The following AOAH variants were observed in gnomAD, a reference collection of about 807,000 sequenced individuals.
AOAH encodes acyloxyacyl hydrolase (neutrophil).
A neutral mutation model predicts 92.2 loss-of-function variants in AOAH; 64 were observed. The ratio of observed to expected loss-of-function variants is 0.69; its 90% CI spans 0.57 to 0.86. The LOEUF is 0.86. AOAH is among the 40% of genes least tolerant of loss of function. The pLI is 0.00. For synonymous variants in AOAH, 263 were observed against 254.5 expected (o/e 1.03, Z -0.32); for missense variants, 656 against 694.6 (o/e 0.94, Z 0.62).
At chr7:36,616,509 C>A (rs1022681822) in intron 10 of AOAH, 35 bp from the exon 11 acceptor site, 1 of 1,582,186 alleles carries the variant, frequency 6.3e-7, no homozygotes, top group East Asian at 2.2e-5. Flanking sequence ...TATTTATGCA[C>A]TCAAGTAGTT....
chr7:36,645,571 A>G (rs1213983614), intron 4 of AOAH, among the ~76,000 whole-genome samples: 1 of 152,194 alleles, frequency 6.6e-6, no homozygotes, highest in Non-Finnish European at 1.5e-5. Flanking sequence ...AAATAGTGGC[A>G]TGTCTAGCCT....
chr7:36,695,662 C>T (rs73688275), intron 1 of AOAH, among the ~76,000 whole-genome samples: 2,438 of 152,266 alleles, frequency 0.016, 70 homozygotes, highest in African/African-American at 0.056. Context: ...AAACAGCATC[C>T]TTCCAAATTG....
At chr7:36,624,666 CTT>C (rs1423311949) in intron 6 of AOAH, among the ~76,000 whole-genome samples, 1 of 152,198 alleles carries the variant, frequency 6.6e-6, no homozygotes, top group African/African-American at 2.4e-5. Context: ...CCCGCTCTGT[CTT>C]TCTCTCTCTG....
At chr7:36,537,873 G>A (rs1160783926) in intron 16 of AOAH, among the ~76,000 whole-genome samples, 1 of 152,090 alleles carries the variant, frequency 6.6e-6, no homozygotes, top group Non-Finnish European at 1.5e-5. Flanking sequence ...GGGTGGGGGT[G>A]AGTGGGTTGC....
intron 4 of AOAH, among the ~76,000 whole-genome samples, chr7:36,654,021 A>C (rs953914734): frequency 1.3e-5 from 2 of 152,122 alleles, no homozygotes. Flanking sequence ...TTCGGTTTTC[A>C]ATTTGTGAGC....
chr7:36,523,463 C>T (rs1159277782), intron 19 of AOAH, among the ~76,000 whole-genome samples: 3 of 152,114 alleles, frequency 2.0e-5, no homozygotes, highest in Non-Finnish European at 2.9e-5. Context: ...AGAGCTGCAT[C>T]GATGCTTAAA....
At chr7:36,637,727 C>T (rs924200514) in intron 5 of AOAH, 124 bp downstream of exon 5, 20 of 823,930 alleles carry the variant, frequency 2.4e-5, no homozygotes, top group African/African-American at 8.6e-5. Context: ...TCCATCCCCA[C>T]GTAGCTATGG....
intron 13 of AOAH, among the ~76,000 whole-genome samples, chr7:36,564,757 A>G (rs1274623170): frequency 6.6e-6 from 1 of 152,234 alleles, no homozygotes; most frequent in Non-Finnish European, 1.5e-5. Context: ...GCAGTGCAGG[A>G]TAAAAATCTT....
In AOAH at chr7:36,621,729, A is replaced by T. The variant is rs1322553771; in HGVS notation, c.634T>A (p.Ser212Thr). ...AGTTACCTTCTACCTGGGTACACTG[A>T]CTCGTCGCTGTCATTACAGTCTCTC... is the stretch of plus-strand genomic sequence containing the variant. Reference protein sequence around the residue: ...RGRDCNDSDESVYPGRRPNNW... With the variant: ...RGRDCNDSDETVYPGRRPNNW... Residue 212 changes from serine to threonine, a missense_variant, in exon 8 of 21, where the codon TCA becomes ACA. Transcript: ENST00000617537. 17 of 1,613,920 alleles carry T rather than the reference A, an allele frequency of 1.1e-5. No individual in the cohort carries two copies. Among genetic ancestry groups the T allele is most frequent in the Non-Finnish European group, 1.4e-5 (17 of 1,179,968 alleles).
At position 36,594,403 on chromosome 7, in the gene AOAH, G is replaced by A. The variant is rs747182253; in HGVS notation, c.874C>T (p.Leu292Phe). 2.5e-6 allele frequency: 4 copies of A among 1,614,012 alleles called. No homozygotes were observed. Among genetic ancestry groups the A allele is most frequent in the Non-Finnish European group, 3.4e-6 (4 of 1,179,876 alleles). Residue 292 changes from leucine to phenylalanine, a missense_variant, in exon 12 of 21, where the codon CTT becomes TTT. Physicochemically the swap from Leu to Phe is conservative, Grantham distance 22 (BLOSUM62 0). Transcript: ENST00000617537. ...LNSFINLPTA[L>F]TNELDWPQLS... ...TGGGGCCAGTCAAGCTCGTTGGTAA[G>A]GGCTGTTGGTAGATTGATGAAAGAG... is the stretch of plus-strand genomic sequence containing the variant.
intron 13 of AOAH, among the ~76,000 whole-genome samples, chr7:36,572,314 C>A (rs1417339781): frequency 6.6e-6 from 1 of 151,846 alleles, no homozygotes; most frequent in African/African-American, 2.4e-5. Context: ...GCTTTGACAA[C>A]ATAGCAAGGT....
chr7:36,724,285 C>T lies in AOAH; in HGVS notation c.-137G>A. 1 of 912,846 alleles carries T rather than the reference C, an allele frequency of 1.1e-6. No homozygotes were observed. Among genetic ancestry groups the T allele is most frequent in the East Asian group, 2.7e-5 (1 of 36,758 alleles). The allele number at this position is 912,846 out of a possible 1,614,324, so 56.5% of individuals were successfully genotyped here. A position where few individuals can be genotyped will look rare whatever the true frequency, so the allele number is the denominator to read the frequency against. The stretch of plus-strand genomic sequence containing the variant: ...CTCTTTGACACACACACCCCACCCT[C>T]TCACATACACACTTTTCAATAAGTG... On this transcript the variant is annotated 5_prime_UTR_variant, in exon 1 of 21. Coordinates refer to ENST00000617537, the MANE Select transcript of AOAH (RefSeq NM_001637.4).
intron 11 of AOAH, chr7:36,597,859 A>T (rs1790246964): frequency 6.6e-6 from 1 of 152,200 alleles, no homozygotes; most frequent in Admixed American, 6.5e-5. Flanking sequence ...TAGAAATCGG[A>T]TGATCTGTCT....
intron 13 of AOAH, among the ~76,000 whole-genome samples, chr7:36,571,856 C>T (rs1788170045): frequency 6.6e-6 from 1 of 151,990 alleles, no homozygotes; most frequent in African/African-American, 2.4e-5. Flanking sequence ...TTATTTTTTT[C>T]AAATCGACTT....
At chr7:36,629,267 C>T (rs1373778603) in intron 6 of AOAH, among the ~76,000 whole-genome samples, 1 of 152,188 alleles carries the variant, frequency 6.6e-6, no homozygotes, top group Non-Finnish European at 1.5e-5. Flanking sequence ...TTTTCCCTTT[C>T]AAATTGGACC....
chr7:36,525,826 A>G (rs1784368651), intron 19 of AOAH, among the ~76,000 whole-genome samples: 1 of 152,182 alleles, frequency 6.6e-6, no homozygotes, highest in Non-Finnish European at 1.5e-5. Flanking sequence ...TTCAACCTAT[A>G]CTGTGTTTTC....
chr7:36,657,104 A>C (rs1217390937), intron 4 of AOAH, among the ~76,000 whole-genome samples: 1 of 152,200 alleles, frequency 6.6e-6, no homozygotes, highest in Non-Finnish European at 1.5e-5. Flanking sequence ...ATAAATTCTC[A>C]ATACAATATA....
In AOAH at chr7:36,700,113, C is replaced by T. The variant is rs150986979; in HGVS notation, c.128-13319G>A. ...CAAAAAATGGAATTGGCTGTAAATG[C>T]ATGGATTTATATTTATTTTGTAATT... On this transcript the variant is annotated intron_variant, in intron 1 of 20. Transcript: ENST00000617537. Among the ~76,000 whole-genome samples the T allele has an allele frequency of 2.2e-3, 335 of 152,040 alleles. 3 individuals are homozygous for T. Among genetic ancestry groups the T allele is most frequent in the African/African-American group, 7.8e-3 (324 of 41,522 alleles).
intron 2 of AOAH, among the ~76,000 whole-genome samples, chr7:36,685,621 A>G (rs1221297679): frequency 1.3e-5 from 2 of 152,212 alleles, no homozygotes; most frequent in Non-Finnish European, 2.9e-5. Flanking sequence ...AAATCTGATG[A>G]GAATGATACC....
Sources: allele counts gnomAD v4.1 joint callset (sites outside exome capture counted in the v4.1 genomes callset), GRCh38; gene constraint gnomAD v4.1.1; transcripts MANE v1.5; gene names NCBI Gene and HGNC (gene_info 2026-07-23, HGNC 2026-07-21).